The following SLC35F1 variants were observed in gnomAD, a reference collection of about 807,000 sequenced individuals.
SLC35F1 encodes the protein chromosome 6 open reading frame 169.
In SLC35F1, 14 loss-of-function variants were observed where a neutral mutation model predicts 48.7. The ratio of observed to expected loss-of-function variants is 0.29; its 90% CI spans 0.19 to 0.45. The LOEUF (loss-of-function observed/expected upper bound fraction) is 0.45, where lower values mean the gene tolerates loss of function less well. SLC35F1 is among the 20% of genes least tolerant of loss of function. The pLI, the probability that SLC35F1 is intolerant of heterozygous loss-of-function variation, is 1.00. For synonymous variants in SLC35F1, 190 were observed against 202.2 expected (o/e 0.94, Z 0.51); for missense variants, 404 against 500.0 (o/e 0.81, Z 1.83).
chr6:117,986,400 A>G (rs1776848332), intron 1 of SLC35F1, among the ~76,000 whole-genome samples: 1 of 152,220 alleles, frequency 6.6e-6, no homozygotes, highest in African/African-American at 2.4e-5. Context: ...CCAAAAATGC[A>G]GGGGCCGCTT....
chr6:118,132,627 T>C (rs1024962853), intron 1 of SLC35F1, among the ~76,000 whole-genome samples: 1 of 152,256 alleles, frequency 6.6e-6, no homozygotes, highest in African/African-American at 2.4e-5. Flanking sequence ...ATTGTCACTG[T>C]ATAAGAGCTT....
intron 7 of SLC35F1, among the ~76,000 whole-genome samples, chr6:118,312,874 T>C (rs1776386978): frequency 6.6e-6 from 1 of 152,210 alleles, no homozygotes; most frequent in Non-Finnish European, 1.5e-5. Context: ...TTTGTCTTTT[T>C]AGCAGTTTTT....
intron 1 of SLC35F1, among the ~76,000 whole-genome samples, chr6:117,931,122 AT>A (rs1333769800): frequency 6.6e-6 from 1 of 152,086 alleles, no homozygotes; most frequent in Non-Finnish European, 1.5e-5. Flanking sequence ...GGTGTTGTTC[AT>A]TGTTTTTGGT....
intron 7 of SLC35F1, among the ~76,000 whole-genome samples, chr6:118,307,055 G>A (rs1776319910): frequency 6.6e-6 from 1 of 152,194 alleles, no homozygotes; most frequent in South Asian, 2.1e-4. Context: ...GATAGTGTAG[G>A]CACACAGAGG....
At chr6:118,040,995 G>A (rs906640187) in intron 1 of SLC35F1, among the ~76,000 whole-genome samples, 1 of 148,208 alleles carries the variant, frequency 6.7e-6, no homozygotes, top group African/African-American at 2.4e-5. Context: ...TACAAGTTAA[G>A]ATTTAATAGT....
chr6:118,266,992 T>A lies in SLC35F1; in HGVS notation c.478-3T>A. ...TGTTGTTTACCTTCATCCCTCCCAA[T>A]AGCTCCTGGACTGTTTTGTGATCCC... On this transcript the variant is annotated splice_polypyrimidine_tract_variant and splice_region_variant and intron_variant, in intron 3 of 7. Coordinates refer to ENST00000360388, the MANE Select transcript of SLC35F1 (RefSeq NM_001029858.4). The A allele has an allele frequency of 6.2e-7, 1 of 1,613,688 alleles. No individual in the cohort carries two copies.
intron 2 of SLC35F1, among the ~76,000 whole-genome samples, chr6:118,198,646 GATC>G (rs1419401046): frequency 6.6e-6 from 1 of 152,168 alleles, no homozygotes; most frequent in Non-Finnish European, 1.5e-5. Flanking sequence ...CCATCCCAGA[GATC>G]ATCTTTTTTA....
intron 1 of SLC35F1, among the ~76,000 whole-genome samples, chr6:118,058,253 T>G (rs1024329859): frequency 6.6e-6 from 1 of 152,164 alleles, no homozygotes; most frequent in Non-Finnish European, 1.5e-5. Flanking sequence ...TTTTGGGTTT[T>G]TAGATTTCTC....
At chr6:117,985,950 A>G (rs1776843026) in intron 1 of SLC35F1, among the ~76,000 whole-genome samples, 1 of 152,176 alleles carries the variant, frequency 6.6e-6, no homozygotes. Flanking sequence ...TGGAATCCAA[A>G]GGCAATTAAT....
chr6:118,234,420 A>C (rs2114581894), intron 2 of SLC35F1, among the ~76,000 whole-genome samples: 1 of 152,302 alleles, frequency 6.6e-6, no homozygotes, highest in African/African-American at 2.4e-5. Context: ...TTGAGGCAGT[A>C]CTGTACAAAG....
intron 1 of SLC35F1, among the ~76,000 whole-genome samples, chr6:117,982,933 C>CA (rs1776800764): frequency 6.6e-6 from 1 of 152,130 alleles, no homozygotes; most frequent in Admixed American, 6.5e-5. Flanking sequence ...AGACTCTCTA[C>CA]AAATACATTT....
At chr6:117,991,645 C>G (rs1408215997) in intron 1 of SLC35F1, among the ~76,000 whole-genome samples, 2 of 152,112 alleles carry the variant, frequency 1.3e-5, no homozygotes. Context: ...CTGCATACGT[C>G]TTTTAATCCA....
chr6:118,038,378 C>A (rs191639500), intron 1 of SLC35F1, among the ~76,000 whole-genome samples: 10 of 151,652 alleles, frequency 6.6e-5, no homozygotes, highest in African/African-American at 2.2e-4. Context: ...GGACTCCTGG[C>A]AATAATGATA....
chr6:118,159,988 A>C (rs1774205689), intron 2 of SLC35F1, among the ~76,000 whole-genome samples: 1 of 152,116 alleles, frequency 6.6e-6, no homozygotes, highest in African/African-American at 2.4e-5. Flanking sequence ...TTGTTTCTCT[A>C]ATTCCTTTTT....
At chr6:118,205,229 A>C (rs1469282423) in intron 2 of SLC35F1, among the ~76,000 whole-genome samples, 2 of 152,184 alleles carry the variant, frequency 1.3e-5, no homozygotes, top group Non-Finnish European at 2.9e-5. Context: ...ATTCTAGTGG[A>C]GGAAGATGTC....
At chr6:118,182,677 T>C (rs780394945) in intron 2 of SLC35F1, among the ~76,000 whole-genome samples, 1 of 152,086 alleles carries the variant, frequency 6.6e-6, no homozygotes, top group Non-Finnish European at 1.5e-5. Context: ...AAGACCAGCC[T>C]GGCCAACATG....
chr6:118,257,158 C>T (rs1775656024), intron 3 of SLC35F1, among the ~76,000 whole-genome samples: 1 of 151,770 alleles, frequency 6.6e-6, no homozygotes, highest in Non-Finnish European at 1.5e-5. Context: ...TGGGAAAAAA[C>T]TGTCTCTCTC....
chr6:118,110,768 G>A (rs888819846), intron 1 of SLC35F1, among the ~76,000 whole-genome samples: 5 of 150,978 alleles, frequency 3.3e-5, no homozygotes, highest in African/African-American at 1.2e-4. Context: ...TTAGACAGCA[G>A]TCTTATGGAT....
In SLC35F1 at chr6:118,314,018, GT is replaced by G. The variant is rs775321358; in HGVS notation, c.1003-3del. On this transcript the variant is annotated splice_polypyrimidine_tract_variant and intron_variant, in intron 7 of 7. Coordinates refer to ENST00000360388, the MANE Select transcript of SLC35F1 (RefSeq NM_001029858.4). ...GGCTGTCAAATGACTTTACTGTTGT[GT>G]TTTTTTAGTTTTCAGGACTTTATCT... 3.1e-6 allele frequency: 5 copies of G among 1,613,804 alleles called. No homozygotes were observed. The highest frequency in any genetic ancestry group is 4.2e-6 in the Non-Finnish European group (5 of 1,179,708).
Sources: allele counts gnomAD v4.1 joint callset (sites outside exome capture counted in the v4.1 genomes callset), GRCh38; gene constraint gnomAD v4.1.1; transcripts MANE v1.5; gene names NCBI Gene and HGNC (gene_info 2026-07-23, HGNC 2026-07-21).